RGS6: variants seen among roughly 807,000 people sequenced by gnomAD.
RGS6 encodes the protein regulator of G-protein signaling 6.
Under a neutral mutation model 78.5 loss-of-function variants are expected in RGS6, and 30 were observed. The observed-to-expected ratio is 0.38, with a 90% CI of 0.29 to 0.52. The LOEUF is 0.52. Ranked by LOEUF, RGS6 falls within the 20% of genes least tolerant of loss-of-function variation. RGS6 has a pLI of 0.85. For synonymous variants in RGS6, 206 were observed against 206.0 expected (o/e 1.00, Z 0.00); for missense variants, 495 against 609.7 (o/e 0.81, Z 1.98).
chr14:72,200,156 T>C (rs544642704), intron 2 of RGS6, among the ~76,000 whole-genome samples: 13 of 152,340 alleles, frequency 8.5e-5, no homozygotes, highest in African/African-American at 3.1e-4. Flanking sequence ...TTCCGTGATT[T>C]CTCTAATAAG....
intron 2 of RGS6, among the ~76,000 whole-genome samples, chr14:72,106,959 G>A (rs72719830): frequency 0.067 from 10,193 of 151,966 alleles, 399 homozygotes; most frequent in Non-Finnish European, 0.096. Flanking sequence ...ATCAGGAGGC[G>A]CAGGAAGTCT....
rs137924871 is a variant in RGS6, at chr14:72,306,486, T to C, written c.85-45609T>C. Among the ~76,000 whole-genome samples, 1,362 of 152,322 alleles carry C rather than the reference T, an allele frequency of 8.9e-3. 24 individuals carry two copies. Among genetic ancestry groups the C allele is most frequent in the African/African-American group, 0.031 (1,295 of 41,570 alleles). On this transcript the variant is annotated intron_variant, in intron 2 of 17. Coordinates refer to ENST00000553525, the MANE Select transcript of RGS6 (RefSeq NM_001204424.2). The stretch of plus-strand genomic sequence containing the variant: ...TCCTCTTGGATCTGAGCAAAGTAAA[T>C]TGAAACACTCCTGGAAAGGATTAAC...
chr14:71,912,874 G>A, the RGS6 span, among the ~76,000 whole-genome samples: 534 of 151,864 alleles, frequency 3.5e-3, 5 homozygotes, highest in African/African-American at 0.012. Flanking sequence ...CACCCAGGCT[G>A]GAGTGCAGAG....
chr14:72,561,373 A>G (rs898351334), intron 17 of RGS6, among the ~76,000 whole-genome samples: 2 of 152,122 alleles, frequency 1.3e-5, no homozygotes, highest in African/African-American at 4.8e-5. Context: ...TGTCAATAAT[A>G]TGGGTTTGGA....
At chr14:72,296,236 AAT>A (rs1322158859) in intron 2 of RGS6, among the ~76,000 whole-genome samples, 35 of 152,224 alleles carry the variant, frequency 2.3e-4, no homozygotes, top group African/African-American at 8.2e-4. Flanking sequence ...TGTGTGAATG[AAT>A]ATGCCAGTTT....
rs539894729 is a variant in RGS6 at position 72,407,092 on chromosome 14, G to C, written c.185-47436G>C. ...ATACTGTTCATAATTAATTACATTG[G>C]TTTGTAATGTATCATGTCCTATTGT... On this transcript the variant is annotated intron_variant, in intron 3 of 17. Transcript: ENST00000553525. Among the ~76,000 whole-genome samples the C allele has an allele frequency of 1.1e-4, 17 of 152,262 alleles. 1 individual carries two copies. The South Asian group carries it at 3.5e-3, about 32-fold the overall frequency.
At chr14:71,872,457 G>T in the RGS6 span, among the ~76,000 whole-genome samples, 8 of 151,806 alleles carry the variant, frequency 5.3e-5, no homozygotes, top group Non-Finnish European at 1.5e-5. Flanking sequence ...GGATTGAGAG[G>T]TGCTCACTAG....
chr14:71,954,234 C>T (rs1248194654), intron 1 of RGS6, among the ~76,000 whole-genome samples: 2 of 151,692 alleles, frequency 1.3e-5, no homozygotes, highest in African/African-American at 4.8e-5. Flanking sequence ...TTGGAAAGTT[C>T]TCCGTCATTA....
At chr14:72,007,559 G>A (rs2084808300) in intron 2 of RGS6, among the ~76,000 whole-genome samples, 1 of 152,162 alleles carries the variant, frequency 6.6e-6, no homozygotes, top group African/African-American at 2.4e-5. Context: ...ATTATGCGTG[G>A]ACCTTTATTT....
At chr14:72,435,823 A>G (rs769158650) in intron 3 of RGS6, among the ~76,000 whole-genome samples, 5 of 148,304 alleles carry the variant, frequency 3.4e-5, no homozygotes, top group Non-Finnish European at 7.4e-5. Context: ...TTTCATAAGA[A>G]CCCTTTTGAT....
chr14:72,491,959 G>A (rs540869308), intron 12 of RGS6, among the ~76,000 whole-genome samples: 1 of 152,132 alleles, frequency 6.6e-6, no homozygotes, highest in Non-Finnish European at 1.5e-5. Context: ...GCAGGAGATG[G>A]GCAGTTTTTT....
At chr14:72,464,917 G>C (rs1239332200) in intron 6 of RGS6, among the ~76,000 whole-genome samples, 1 of 152,208 alleles carries the variant, frequency 6.6e-6, no homozygotes, top group Non-Finnish European at 1.5e-5. Flanking sequence ...TGCCCTTAAA[G>C]AGACTTCAGC....
Position 72,001,987 on chromosome 14 carries a change from T to G in RGS6, c.84+37112T>G, listed in dbSNP as rs960860060. Reference sequence around the variant, plus strand: ...GTGCAATCTCAGCTCACTGCAACCTTTATCTCCTGGGCTCAAGTGATCCTC... The same window carrying G: ...GTGCAATCTCAGCTCACTGCAACCTGTATCTCCTGGGCTCAAGTGATCCTC... On this transcript the variant is annotated intron_variant, in intron 2 of 17. Transcript: ENST00000553525. Among the ~76,000 whole-genome samples, 9 of 149,066 alleles carry G rather than the reference T, an allele frequency of 6.0e-5. No homozygotes were observed. The East Asian group carries it at 1.4e-3, about 23-fold the overall frequency.
intron 2 of RGS6, among the ~76,000 whole-genome samples, chr14:72,194,394 G>A (rs1472549110): frequency 2.6e-5 from 4 of 152,036 alleles, no homozygotes; most frequent in Admixed American, 2.6e-4. Flanking sequence ...TTGTTGAAAC[G>A]AGGCCTTGCT....
At chr14:71,921,481 G>T in the RGS6 span, among the ~76,000 whole-genome samples, 1 of 152,164 alleles carries the variant, frequency 6.6e-6, no homozygotes, top group African/African-American at 2.4e-5. Flanking sequence ...CATGTCTACC[G>T]ATGGATGAAT....
At chr14:71,880,177 A>G in the RGS6 span, among the ~76,000 whole-genome samples, 5 of 152,310 alleles carry the variant, frequency 3.3e-5, no homozygotes, top group East Asian at 9.6e-4. Flanking sequence ...GGCAGCAGAA[A>G]TTTCTAAGCA....
chr14:72,295,972 TCAA>T (rs1369062958), intron 2 of RGS6, among the ~76,000 whole-genome samples: 1 of 152,220 alleles, frequency 6.6e-6, no homozygotes, highest in East Asian at 1.9e-4. Flanking sequence ...TCTACCAAAA[TCAA>T]CAACATTTCC....
chr14:72,206,783 C>G (rs2042820776), intron 2 of RGS6, among the ~76,000 whole-genome samples: 1 of 152,120 alleles, frequency 6.6e-6, no homozygotes, highest in South Asian at 2.1e-4. Flanking sequence ...CCTCCCATGA[C>G]ACTTGGGAAT....
chr14:72,353,089 G>T (rs1468874415), intron 3 of RGS6, among the ~76,000 whole-genome samples: 1 of 152,114 alleles, frequency 6.6e-6, no homozygotes, highest in Non-Finnish European at 1.5e-5. Context: ...CTCACATATT[G>T]GTGATACGAA....
Sources: allele counts gnomAD v4.1 joint callset (sites outside exome capture counted in the v4.1 genomes callset), GRCh38; gene constraint gnomAD v4.1.1; transcripts MANE v1.5; gene names NCBI Gene and HGNC (gene_info 2026-07-23, HGNC 2026-07-21).